The following HIPK2 variants were observed in gnomAD, a reference collection of about 807,000 sequenced individuals.
HIPK2 encodes homeodomain interacting protein kinase 2, also known as homeodomain-interacting protein kinase 2.
In HIPK2, 27 loss-of-function variants were observed where a neutral mutation model predicts 113.7. The ratio of observed to expected loss-of-function variants is 0.24; its 90% CI spans 0.17 to 0.33. The LOEUF (loss-of-function observed/expected upper bound fraction) is 0.33. Among genes scored for constraint, HIPK2 ranks in the 10% least tolerant of loss-of-function variants. HIPK2 has a pLI of 1.00. For missense variants in HIPK2, 1,257 were observed against 1,588.0 expected, an observed-to-expected ratio of 0.79 and a Z score of 3.54; for synonymous variants, 631 against 642.2, an observed-to-expected ratio of 0.98 and a Z score of 0.26.
chr7:139,707,465 C>T (rs1177533990), intron 2 of HIPK2, among the ~76,000 whole-genome samples: 1 of 152,256 alleles, frequency 6.6e-6, no homozygotes. Flanking sequence ...AGGGCGGCAT[C>T]GAGGACTCAG....
Position 139,631,429 on chromosome 7 carries a change from G to A in HIPK2, c.1228-145C>T, listed in dbSNP as rs28522234. The A allele has an allele frequency of 0.11, 161,719 of 1,423,996 alleles. 10,974 individuals carry two copies. Among genetic ancestry groups the A allele is most frequent in the African/African-American group, 0.31 (21,141 of 68,982 alleles). The allele number at this position is 1,423,996 out of a possible 1,614,324, so 88.2% of individuals were successfully genotyped here. ...ACAAAAAAGAGAAAAAAGAAAAAGG[G>A]AAAAGAGAAAGGAATAAAGAAAAAA... On this transcript the variant is annotated intron_variant, in intron 3 of 14. Transcript: ENST00000406875. The surrounding 1 kb of genome is among the most constrained non-coding windows in gnomAD (Gnocchi z 4.9).
chr7:139,682,564 G>A (rs987527876), intron 2 of HIPK2, among the ~76,000 whole-genome samples: 1 of 152,134 alleles, frequency 6.6e-6, no homozygotes, highest in Non-Finnish European at 1.5e-5. Flanking sequence ...GGGTGGGGCC[G>A]TAATGACTGT....
At chr7:139,629,491 C>T (rs184077344) in intron 4 of HIPK2, among the ~76,000 whole-genome samples, 9 of 152,352 alleles carry the variant, frequency 5.9e-5, no homozygotes, top group African/African-American at 2.2e-4. Flanking sequence ...ATAGTTTTGA[C>T]AACCACATTA....
At chr7:139,772,650 CA>C (rs1409227676) in intron 1 of HIPK2, among the ~76,000 whole-genome samples, 2 of 152,074 alleles carry the variant, frequency 1.3e-5, no homozygotes, top group African/African-American at 4.8e-5. Flanking sequence ...TGCAATGGCA[CA>C]ATCTCAGCTG....
intron 2 of HIPK2, among the ~76,000 whole-genome samples, chr7:139,672,472 CTT>C (rs555972205): frequency 1.0e-4 from 15 of 150,116 alleles, no homozygotes; most frequent in Admixed American, 8.6e-4. Context: ...TTACAAGTAA[CTT>C]TTTTTTTTGA....
intron 13 of HIPK2, among the ~76,000 whole-genome samples, chr7:139,581,313 G>A (rs757025142): frequency 9.2e-5 from 14 of 152,196 alleles, no homozygotes; most frequent in East Asian, 1.9e-4. Flanking sequence ...AGCTGCTGTC[G>A]GTGAGTCGGG....
chr7:139,653,740 G>T (rs1801550015), intron 2 of HIPK2, among the ~76,000 whole-genome samples: 1 of 147,890 alleles, frequency 6.8e-6, no homozygotes, highest in South Asian at 2.2e-4. Flanking sequence ...GACTGTTGTT[G>T]TTTTTTTTTT....
At chr7:139,594,667 C>T (rs980931486) in intron 12 of HIPK2, among the ~76,000 whole-genome samples, 2 of 152,198 alleles carry the variant, frequency 1.3e-5, no homozygotes, top group Non-Finnish European at 2.9e-5. Flanking sequence ...CCAGTCACAA[C>T]TGTGGACAGC....
chr7:139,573,241 G>A lies in HIPK2; in HGVS notation c.3283C>T (p.His1095Tyr). 6.2e-7 allele frequency: 1 copy of A among 1,604,948 alleles called. No individual in the cohort carries two copies. Among genetic ancestry groups the A allele is most frequent in the Non-Finnish European group, 8.5e-7 (1 of 1,179,610 alleles). Residue 1095 changes from histidine (H) to tyrosine (Y), a missense_variant, in exon 15 of 15, where the codon CAC becomes TAC. Transcript: ENST00000406875. ...PHLAAAAAAA[H>Y]LPTQPHLYTY... The stretch of plus-strand genomic sequence containing the variant: ...TAGAGGTGGGGCTGGGTGGGGAGGT[G>A]GGCAGCGGCAGCGGCTGCAGCCAGA...
intron 12 of HIPK2, among the ~76,000 whole-genome samples, chr7:139,589,547 T>C (rs2116599863): frequency 6.6e-6 from 1 of 152,328 alleles, no homozygotes; most frequent in African/African-American, 2.4e-5. Flanking sequence ...CAGCTTAATA[T>C]GAATAAGAAT....
At chr7:139,676,495 T>C (rs912122032) in intron 2 of HIPK2, among the ~76,000 whole-genome samples, 1 of 152,226 alleles carries the variant, frequency 6.6e-6, no homozygotes. Flanking sequence ...TATTTGTTGG[T>C]TACCCACCAT....
intron 2 of HIPK2, among the ~76,000 whole-genome samples, chr7:139,641,001 T>C (rs1367852486): frequency 6.6e-6 from 1 of 152,230 alleles, no homozygotes; most frequent in African/African-American, 2.4e-5. Context: ...AACTGTTTCA[T>C]TTATTTACAC....
intron 12 of HIPK2, among the ~76,000 whole-genome samples, chr7:139,586,792 T>C (rs962355288): frequency 1.3e-5 from 2 of 151,748 alleles, no homozygotes; most frequent in Non-Finnish European, 2.9e-5. Context: ...TGCTACAATA[T>C]GGATGAACCT....
At chr7:139,741,670 G>A (rs931105832) in intron 1 of HIPK2, among the ~76,000 whole-genome samples, 7 of 152,030 alleles carry the variant, frequency 4.6e-5, no homozygotes, top group East Asian at 1.9e-4. Context: ...CTCCAATTCC[G>A]TGAACGTTGA....
intron 10 of HIPK2, among the ~76,000 whole-genome samples, chr7:139,601,434 C>T (rs1005837702): frequency 6.6e-6 from 1 of 152,144 alleles, no homozygotes; most frequent in South Asian, 2.1e-4. Flanking sequence ...AGCCTGGGAG[C>T]CATATGCTTC....
intron 2 of HIPK2, among the ~76,000 whole-genome samples, chr7:139,694,211 C>CG (rs1794498048): frequency 6.6e-6 from 1 of 152,160 alleles, no homozygotes. Flanking sequence ...ATGAAATAAA[C>CG]GGATGAACTT....
chr7:139,739,937 C>T (rs1569483541), intron 1 of HIPK2, among the ~76,000 whole-genome samples: 2 of 152,168 alleles, frequency 1.3e-5, no homozygotes, highest in African/African-American at 2.4e-5. Flanking sequence ...TATTACTGCA[C>T]ACTTTGTGTA....
chr7:139,597,343 C>T (rs939514247), intron 11 of HIPK2, among the ~76,000 whole-genome samples: 2 of 152,186 alleles, frequency 1.3e-5, no homozygotes, highest in Non-Finnish European at 2.9e-5. Flanking sequence ...CAACACACCC[C>T]CTCGCCTTCA....
chr7:139,742,809 C>T (rs776879557), intron 1 of HIPK2, among the ~76,000 whole-genome samples: 2 of 152,208 alleles, frequency 1.3e-5, no homozygotes, highest in Non-Finnish European at 2.9e-5. Flanking sequence ...ATCTTCTCCC[C>T]TTTAAAATAA....
Sources: allele counts gnomAD v4.1 joint callset (sites outside exome capture counted in the v4.1 genomes callset), GRCh38; gene constraint gnomAD v4.1.1; non-coding constraint Gnocchi (gnomAD v3.1); transcripts MANE v1.5; gene names NCBI Gene and HGNC (gene_info 2026-07-23, HGNC 2026-07-21).